Variants in ANKFN1 observed in about 807,000 individuals in gnomAD.
ANKFN1 encodes the protein ankyrin repeat and fibronectin type-III domain-containing protein 1.
In ANKFN1, 74 loss-of-function variants were observed where a neutral mutation model predicts 108.7. The ratio of observed to expected loss-of-function variants is 0.68; its 90% CI spans 0.56 to 0.83. ANKFN1 has a LOEUF of 0.83. Ranked by LOEUF, ANKFN1 falls within the 40% of genes least tolerant of loss-of-function variation. The pLI, the probability that ANKFN1 is intolerant of heterozygous loss-of-function variation, is 0.00. For missense variants in ANKFN1, 1,505 were observed against 1,382.3 expected, an observed-to-expected ratio of 1.09 and a Z score of -1.41; for synonymous variants, 547 against 516.2, an observed-to-expected ratio of 1.06 and a Z score of -0.81.
chr17:56,196,581 A>T (rs756267372), intron 1 of ANKFN1, among the ~76,000 whole-genome samples: 112 of 151,950 alleles, frequency 7.4e-4, no homozygotes, highest in Non-Finnish European at 1.3e-3. Context: ...CAAAATTTTT[A>T]AAAAAAAATT....
upstream of ANKFN1, among the ~76,000 whole-genome samples, chr17:56,153,047 T>C (rs1163740962): frequency 6.6e-6 from 1 of 152,154 alleles, no homozygotes; most frequent in Non-Finnish European, 1.5e-5. Context: ...ACCTGATTAG[T>C]ATTCAGCATC....
chr17:56,335,665 G>A (rs9897568), intron 4 of ANKFN1, among the ~76,000 whole-genome samples: 3,055 of 152,142 alleles, frequency 0.02, 95 homozygotes, highest in African/African-American at 0.067. Flanking sequence ...CTGCAAACAG[G>A]GACAATTTGA....
chr17:56,222,434 C>T (rs1177835906), intron 2 of ANKFN1, among the ~76,000 whole-genome samples: 2 of 152,108 alleles, frequency 1.3e-5, no homozygotes, highest in African/African-American at 4.8e-5. Flanking sequence ...AGAAAAAATG[C>T]ACAAGGCATT....
chr17:56,268,022 A>C (rs1298002547), intron 3 of ANKFN1, among the ~76,000 whole-genome samples: 1 of 152,098 alleles, frequency 6.6e-6, no homozygotes, highest in Non-Finnish European at 1.5e-5. Flanking sequence ...CCTGTCCATG[A>C]GCATGGAATG....
intron 4 of ANKFN1, among the ~76,000 whole-genome samples, chr17:56,130,700 G>C (rs949144818): frequency 1.3e-5 from 2 of 152,110 alleles, no homozygotes; most frequent in East Asian, 1.9e-4. Context: ...TTGATTAGAT[G>C]GGGGGAGGAC....
At chr17:56,396,803 C>T (rs1246416617) in intron 8 of ANKFN1, among the ~76,000 whole-genome samples, 1 of 152,000 alleles carries the variant, frequency 6.6e-6, no homozygotes, top group Admixed American at 6.6e-5. Flanking sequence ...CAGTATATGC[C>T]AGAATCAAAT....
chr17:56,343,806 T>C (rs767449671), intron 4 of ANKFN1, among the ~76,000 whole-genome samples: 13 of 151,972 alleles, frequency 8.6e-5, no homozygotes, highest in Non-Finnish European at 1.8e-4. Flanking sequence ...GATTGATCTA[T>C]CTTTATGTTT....
chr17:56,360,335 G>A (rs150162790), intron 6 of ANKFN1, among the ~76,000 whole-genome samples: 4 of 152,146 alleles, frequency 2.6e-5, no homozygotes, highest in African/African-American at 9.6e-5. Context: ...TTCATTACAT[G>A]GCCAAATCCT....
chr17:56,301,677 A>G (rs62073047), intron 3 of ANKFN1, among the ~76,000 whole-genome samples: 13,324 of 152,278 alleles, frequency 0.087, 564 homozygotes, highest in East Asian at 0.16. Context: ...GCTTCTCTCC[A>G]TCACTAAATT....
chr17:56,272,877 CCA>C (rs1179087056), intron 3 of ANKFN1, among the ~76,000 whole-genome samples: 1 of 152,162 alleles, frequency 6.6e-6, no homozygotes, highest in Non-Finnish European at 1.5e-5. Flanking sequence ...GATCCTAATT[CCA>C]CAGTTACCCT....
Position 56,239,671 on chromosome 17 carries a change from A to G in ANKFN1, c.53+11714A>G, listed in dbSNP as rs1047917891. On this transcript the variant is annotated intron_variant, in intron 3 of 20. Transcript: ENST00000682825. ...GCATATGTCCCAAAATGGCAGCTAC[A>G]GGCATCAAGGATTAGACATTTTCGC... Among the ~76,000 whole-genome samples the G allele has an allele frequency of 3.3e-5, 5 of 152,188 alleles. No individual in the cohort carries two copies. The South Asian group carries it at 6.2e-4, about 19-fold the overall frequency.
chr17:56,255,952 T>C (rs1020279088), intron 3 of ANKFN1, among the ~76,000 whole-genome samples: 1 of 152,182 alleles, frequency 6.6e-6, no homozygotes, highest in African/African-American at 2.4e-5. Flanking sequence ...GGCAAGAGGA[T>C]TGCTTGAGAC....
intron 4 of ANKFN1, among the ~76,000 whole-genome samples, chr17:56,091,461 C>G (rs1054927610): frequency 7.0e-6 from 1 of 142,672 alleles, no homozygotes; most frequent in South Asian, 2.3e-4. Context: ...CACACACACA[C>G]AGAGTTCATT....
chr17:56,296,510 C>T (rs974750573), intron 3 of ANKFN1, among the ~76,000 whole-genome samples: 6 of 152,070 alleles, frequency 3.9e-5, no homozygotes, highest in African/African-American at 1.4e-4. Context: ...ATGGTGAAAC[C>T]CCATCTCTAC....
At chr17:56,082,378 C>G (rs1266189713) in intron 4 of ANKFN1, among the ~76,000 whole-genome samples, 2 of 151,724 alleles carry the variant, frequency 1.3e-5, no homozygotes, top group Non-Finnish European at 2.9e-5. Flanking sequence ...TCCACGGGCT[C>G]TATTGTCAGA....
intron 4 of ANKFN1, among the ~76,000 whole-genome samples, chr17:56,146,863 C>T (rs1447800683): frequency 1.3e-5 from 2 of 152,202 alleles, no homozygotes; most frequent in Non-Finnish European, 2.9e-5. Flanking sequence ...TTTCTACAAC[C>T]AGCTTGAATT....
intron 4 of ANKFN1, among the ~76,000 whole-genome samples, chr17:56,097,408 C>A (rs1048786605): frequency 6.6e-6 from 1 of 152,208 alleles, no homozygotes; most frequent in African/African-American, 2.4e-5. Context: ...GGACGTGTCT[C>A]TGTAGTCCAC....
At chr17:56,136,970 C>T (rs1440054460) in intron 4 of ANKFN1, among the ~76,000 whole-genome samples, 1 of 152,130 alleles carries the variant, frequency 6.6e-6, no homozygotes, top group African/African-American at 2.4e-5. Context: ...CAAACAGACA[C>T]CCTTACCTGG....
Position 56,154,655 on chromosome 17 carries a change from A to C in ANKFN1, c.-71+1125A>C, listed in dbSNP as rs183235101. Among the ~76,000 whole-genome samples the C allele has an allele frequency of 3.1e-3, 477 of 152,196 alleles. 3 individuals carry two copies. Among genetic ancestry groups the C allele is most frequent in the Middle Eastern group, 0.02 (6 of 294 alleles). On this transcript the variant is annotated intron_variant, in intron 1 of 20. Coordinates refer to ENST00000682825, the MANE Select transcript of ANKFN1 (RefSeq NM_001370326.1). ...ATATGCCAACACCAAAAAAAAAAAA[A>C]AAAACTTATTCCTTTTACTATGTAT...
Sources: allele counts gnomAD v4.1 joint callset (sites outside exome capture counted in the v4.1 genomes callset), GRCh38; gene constraint gnomAD v4.1.1; transcripts MANE v1.5; gene names NCBI Gene and HGNC (gene_info 2026-07-23, HGNC 2026-07-21).